NSD1: variants seen among roughly 807,000 people sequenced by gnomAD.
NSD1 encodes the protein histone-lysine N-methyltransferase, H3 lysine-36 specific.
A neutral mutation model predicts 242.7 loss-of-function variants in NSD1; 26 were observed. The ratio of observed to expected loss-of-function variants is 0.11; its 90% CI spans 0.08 to 0.15. The LOEUF (loss-of-function observed/expected upper bound fraction) is 0.15, where lower values mean the gene tolerates loss of function less well. Ranked by LOEUF, NSD1 falls within the 10% of genes least tolerant of loss-of-function variation. The pLI is 1.00. For missense variants in NSD1, 2,495 were observed against 3,272.8 expected (o/e 0.76, Z 5.80); for synonymous variants, 1,106 against 1,178.1 (o/e 0.94, Z 1.25).
intron 11 of NSD1, among the ~76,000 whole-genome samples, chr5:177,251,204 A>T (rs890547910): frequency 1.3e-5 from 2 of 151,840 alleles, no homozygotes; most frequent in African/African-American, 4.8e-5. Flanking sequence ...AAAAAAAAAA[A>T]TTGATAAATC....
chr5:177,239,576 TTTAC>T (rs1165279387), intron 7 of NSD1, among the ~76,000 whole-genome samples, 176 bp from the exon 8 acceptor site: 1 of 152,238 alleles, frequency 6.6e-6, no homozygotes, highest in Non-Finnish European at 1.5e-5. Flanking sequence ...TTGAAAACTG[TTTAC>T]TTGTTTTGTT....
At chr5:177,237,733 C>T (rs1024381176) in intron 6 of NSD1, among the ~76,000 whole-genome samples, 1 of 151,872 alleles carries the variant, frequency 6.6e-6, no homozygotes, top group Admixed American at 6.6e-5. Flanking sequence ...CAGGGTTTCA[C>T]CATGGTAGCC....
At chr5:177,218,656 C>G (rs1763983233) in intron 5 of NSD1, among the ~76,000 whole-genome samples, 1 of 151,932 alleles carries the variant, frequency 6.6e-6, no homozygotes, top group African/African-American at 2.4e-5. Context: ...CAAGCTCCAC[C>G]TCCCGGATTG....
chr5:177,141,407 G>A (rs115540641), intron 2 of NSD1, among the ~76,000 whole-genome samples: 5,542 of 134,360 alleles, frequency 0.041, 176 homozygotes, highest in South Asian at 0.061. Flanking sequence ...CTTAGCCCAC[G>A]GCAACCTCCA....
chr5:177,211,993 G>A lies in NSD1; in HGVS notation c.3594G>A (p.Glu1198=). 12 of 1,613,640 alleles carry A rather than the reference G, an allele frequency of 7.4e-6. No homozygotes were observed. The highest frequency in any genetic ancestry group is 1.7e-5 in the Admixed American group (1 of 59,992). ...RVLLPSDPVQ[E]GRDEFPEHRT... ...TACTTCCTAGTGACCCTGTGCAGGA[G>A]GGGCGGGATGAGTTTCCAGAGCATA... is the stretch of plus-strand genomic sequence containing the variant. The change falls in exon 5 of 23, where the codon GAG becomes GAA. Residue 1198 remains glutamate, a synonymous_variant. Coordinates refer to ENST00000439151, the MANE Select transcript of NSD1 (RefSeq NM_022455.5).
chr5:177,151,682 C>T (rs1373592538), intron 2 of NSD1, among the ~76,000 whole-genome samples: 2 of 150,574 alleles, frequency 1.3e-5, no homozygotes, highest in African/African-American at 2.4e-5. Flanking sequence ...AGCCACCGTG[C>T]GTGTCCTTTT....
rs2149754637 is a variant in NSD1 at position 177,134,697 on chromosome 5, C to T, written c.-17-390C>T. On this transcript the variant is annotated intron_variant, in intron 1 of 22. Coordinates refer to ENST00000439151, the MANE Select transcript of NSD1 (RefSeq NM_022455.5). This position sits in a 1 kb window ranked among gnomAD's most constrained non-coding sequence, Gnocchi z 4.2. ...CTTTTTGTGCAGGGTCCAGGAGCCC[C>T]CCTCGGACCCCGCAGCCTTTTGCTT... Among the ~76,000 whole-genome samples, 1 of 152,322 alleles carries T rather than the reference C, an allele frequency of 6.6e-6. No homozygotes were observed. Among genetic ancestry groups the T allele is most frequent in the African/African-American group, 2.4e-5 (1 of 41,578 alleles).
chr5:177,279,862 C>T (rs546405567), intron 17 of NSD1, among the ~76,000 whole-genome samples: 115 of 151,364 alleles, frequency 7.6e-4, no homozygotes, highest in African/African-American at 2.7e-3. Flanking sequence ...CGTGATCCAC[C>T]TGCCTCGGCC....
chr5:177,288,419 A>G (rs1055258067), intron 20 of NSD1: 2 of 268,128 alleles, frequency 7.5e-6, no homozygotes. Flanking sequence ...GCTGCCAGGT[A>G]ACATGTGTTC....
chr5:177,218,226 T>G (rs989771185), intron 5 of NSD1, among the ~76,000 whole-genome samples: 3 of 152,146 alleles, frequency 2.0e-5, no homozygotes, highest in Non-Finnish European at 2.9e-5. Context: ...TTTGTAATTT[T>G]TTGTTGAAAC....
chr5:177,212,850 C>G (rs1361127346), intron 5 of NSD1, among the ~76,000 whole-genome samples: 1 of 152,030 alleles, frequency 6.6e-6, no homozygotes, highest in African/African-American at 2.4e-5. Flanking sequence ...CCACGTTGGC[C>G]AGGCTGGTCT....
At chr5:177,162,392 A>T (rs983224115) in intron 2 of NSD1, among the ~76,000 whole-genome samples, 4 of 151,030 alleles carry the variant, frequency 2.6e-5, no homozygotes, top group Non-Finnish European at 4.4e-5. Flanking sequence ...AAGTCATTAT[A>T]GTTTGTTTGT....
At chr5:177,223,742 G>A (rs1764417984) in intron 5 of NSD1, among the ~76,000 whole-genome samples, 1 of 152,146 alleles carries the variant, frequency 6.6e-6, no homozygotes, top group Non-Finnish European at 1.5e-5. Context: ...CAGAATTTTG[G>A]GAGGCCAAGG....
Position 177,238,761 on chromosome 5 carries a change from C to T in NSD1, c.4192+254C>T, listed in dbSNP as rs143650025. 1.1e-3 allele frequency among the ~76,000 whole-genome samples: 160 copies of T among 152,224 alleles called. 1 individual carries two copies. The highest frequency in any genetic ancestry group is 3.7e-3 in the African/African-American group (152 of 41,536). On this transcript the variant is annotated intron_variant, in intron 7 of 22. Coordinates refer to ENST00000439151, the MANE Select transcript of NSD1 (RefSeq NM_022455.5). This position sits in a 1 kb window ranked among gnomAD's most constrained non-coding sequence, Gnocchi z 4.6. ...TTGCTCTTCATGATTGTTGATCAGCCACTGTGTAAATTAACAACCAGGATA... is the reference window on the plus strand; with the variant it reads ...TTGCTCTTCATGATTGTTGATCAGCTACTGTGTAAATTAACAACCAGGATA...
rs199950642 is a variant in NSD1, at chr5:177,207,923, C to T, written c.1237-1713C>T. Reference sequence around the variant, plus strand: ...TCCAGCTAGTGTGTGTGTGTGTGTGCGTGTGTGTGTGTGTGTTTTTAGTAG... The same window carrying T: ...TCCAGCTAGTGTGTGTGTGTGTGTGTGTGTGTGTGTGTGTGTTTTTAGTAG... On this transcript the variant is annotated intron_variant, in intron 4 of 22. Coordinates refer to ENST00000439151, the MANE Select transcript of NSD1 (RefSeq NM_022455.5). 6.8e-5 allele frequency among the ~76,000 whole-genome samples: 10 copies of T among 146,094 alleles called. No individual in the cohort carries two copies. The East Asian group carries it at 1.4e-3, about 20-fold the overall frequency.
rs1760228374 is a variant in NSD1, at chr5:177,295,958, C to T, written c.*499C>T. 3 of 279,748 alleles carry T rather than the reference C, an allele frequency of 1.1e-5. No individual in the cohort carries two copies. The highest frequency in any genetic ancestry group is 9.4e-5 in the Admixed American group (2 of 21,340). 17.3% of individuals were successfully genotyped at this position (279,748 alleles called of 1,614,324 possible). ...AGTCACTGATGAGAGATACAGGCCT[C>T]ATCCCTGTGAGCCTGGATTCCAAGG... On this transcript the variant is annotated 3_prime_UTR_variant, in exon 23 of 23. Transcript: ENST00000439151. The surrounding 1 kb of genome is among the most constrained non-coding windows in gnomAD (Gnocchi z 4.3).
Position 177,239,818 on chromosome 5 carries a change from G to A in NSD1, c.4255G>A (p.Asp1419Asn), listed in dbSNP as rs1192141897. 2 of 1,613,236 alleles carry A rather than the reference G, an allele frequency of 1.2e-6. No homozygotes were observed. The highest frequency in any genetic ancestry group is 2.7e-5 in the African/African-American group (2 of 74,902). The part of the protein sequence containing the change: ...TKKLLESNDL[D>N]PGFMPKKGDL... ...GAAACTTCTTGAATCCAATGATTTA[G>A]ACCCTGGATTTATGCCCAAGAAGGG... The change falls in exon 8 of 23, where the codon GAC becomes AAC. Residue 1419 changes from aspartate to asparagine, a missense_variant. This residue lies in a region of NSD1 where 100 missense variants were observed against 190.7 expected (regional missense o/e 0.52). Transcript: ENST00000439151.
At chr5:177,195,529 G>A (rs545213185) in intron 3 of NSD1, among the ~76,000 whole-genome samples, 70 of 152,180 alleles carry the variant, frequency 4.6e-4, no homozygotes, top group Admixed American at 3.9e-3. Flanking sequence ...ATGCAGTGGC[G>A]TGATCATGAC....
At chr5:177,236,285 G>A (rs1385686617) in intron 6 of NSD1, among the ~76,000 whole-genome samples, 1 of 151,972 alleles carries the variant, frequency 6.6e-6, no homozygotes, top group African/African-American at 2.4e-5. Context: ...TATCTTATTT[G>A]TCTTATTTTT....
Sources: allele counts gnomAD v4.1 joint callset (sites outside exome capture counted in the v4.1 genomes callset), GRCh38; gene constraint gnomAD v4.1.1; regional missense constraint gnomAD v4.1.1; non-coding constraint Gnocchi (gnomAD v3.1); transcripts MANE v1.5; gene names NCBI Gene and HGNC (gene_info 2026-07-23, HGNC 2026-07-21).